ZNF362: variants seen among roughly 807,000 people sequenced by gnomAD.
ZNF362 encodes the protein zinc finger protein 362.
ZNF362 carries 11 observed loss-of-function variants against 42.9 expected under a neutral mutation model. The observed-to-expected ratio is 0.26, with a 90% CI of 0.16 to 0.42. The LOEUF is 0.42. Among genes scored for constraint, ZNF362 ranks in the 20% least tolerant of loss-of-function variants. ZNF362 has a pLI of 1.00. For synonymous variants in ZNF362, 255 were observed against 257.3 expected (o/e 0.99, Z 0.09); for missense variants, 362 against 576.2 (o/e 0.63, Z 3.81).
At chr1:33,184,904 C>T in the ZNF362 span, among the ~76,000 whole-genome samples, 5 of 152,092 alleles carry the variant, frequency 3.3e-5, no homozygotes, top group Admixed American at 6.5e-5. Context: ...TCTCAGCCTC[C>T]CTAGTAGCTG....
At chr1:33,208,898 A>G in the ZNF362 span, among the ~76,000 whole-genome samples, 10 of 152,102 alleles carry the variant, frequency 6.6e-5, no homozygotes, top group Admixed American at 3.9e-4. Context: ...TTTTTTCCTA[A>G]TTGAATATCC....
the ZNF362 span, among the ~76,000 whole-genome samples, chr1:33,167,607 C>T: frequency 5.3e-5 from 8 of 152,272 alleles, no homozygotes; most frequent in East Asian, 1.9e-4. This position sits in a 1 kb window ranked among gnomAD's most constrained non-coding sequence, Gnocchi z 4.2. Context: ...GACTCAATGA[C>T]GCTTGCTGCG....
the ZNF362 span, among the ~76,000 whole-genome samples, chr1:33,221,249 G>A: frequency 6.6e-6 from 1 of 152,228 alleles, no homozygotes; most frequent in Non-Finnish European, 1.5e-5. Flanking sequence ...CGCAGGCAGA[G>A]GAGTGAGGTA....
At chr1:33,244,315 A>T in the ZNF362 span, among the ~76,000 whole-genome samples, 5 of 152,200 alleles carry the variant, frequency 3.3e-5, no homozygotes, top group African/African-American at 9.7e-5. The surrounding 1 kb of genome is among the most constrained non-coding windows in gnomAD (Gnocchi z 4.0). Flanking sequence ...TAAAGGCCAG[A>T]CCAGGATCCC....
chr1:33,212,364 A>G, the ZNF362 span, among the ~76,000 whole-genome samples: 12 of 152,322 alleles, frequency 7.9e-5, no homozygotes, highest in African/African-American at 2.4e-4. Flanking sequence ...TTTGGAAAAC[A>G]GTTTGGCAGT....
At chr1:33,191,884 G>A in the ZNF362 span, among the ~76,000 whole-genome samples, 1 of 152,234 alleles carries the variant, frequency 6.6e-6, no homozygotes. Flanking sequence ...GAAGACGCAA[G>A]AGAATGTAGA....
chr1:33,213,881 A>AC, the ZNF362 span, among the ~76,000 whole-genome samples: 84 of 150,286 alleles, frequency 5.6e-4, 1 homozygote, highest in South Asian at 5.9e-3. Flanking sequence ...ACAAAACAAA[A>AC]AAAACAAAAC....
chr1:33,251,551 A>G (rs1645762045), upstream of ZNF362, among the ~76,000 whole-genome samples: 1 of 152,060 alleles, frequency 6.6e-6, no homozygotes, highest in Non-Finnish European at 1.5e-5. Flanking sequence ...GCCATATCAC[A>G]TCTCTGCTTA....
chr1:33,144,132 CTTCTTTTTTTT>C, the ZNF362 span, among the ~76,000 whole-genome samples: 1 of 36,926 alleles, frequency 2.7e-5, no homozygotes, highest in African/African-American at 7.6e-5. Context: ...TTTAATGTTA[CTTCTTTTTTTT>C]TTTTTTTTTT....
At chr1:33,197,110 T>C in the ZNF362 span, among the ~76,000 whole-genome samples, 1 of 152,212 alleles carries the variant, frequency 6.6e-6, no homozygotes, top group East Asian at 1.9e-4. Context: ...CTGCTCCTCC[T>C]GCTCTTGGAC....
the ZNF362 span, among the ~76,000 whole-genome samples, chr1:33,182,683 G>C: frequency 6.6e-6 from 1 of 151,874 alleles, no homozygotes; most frequent in Non-Finnish European, 1.5e-5. Flanking sequence ...AGTAATAGGA[G>C]AACTTGTCTT....
Position 33,294,873 on chromosome 1 carries a change from G to C in ZNF362, c.909-64G>C, listed in dbSNP as rs899716727. The C allele has an allele frequency of 6.3e-7, 1 of 1,581,518 alleles. No homozygotes were observed. Among genetic ancestry groups the C allele is most frequent in the Non-Finnish European group, 8.7e-7 (1 of 1,151,480 alleles). ...GGCTTAGGGGCCAGAGTAAGGACTT[G>C]GGAACTGGAGCGGTCTTGGGGTGTG... On this transcript the variant is annotated intron_variant, in intron 6 of 8. Transcript: ENST00000539719. The surrounding 1 kb of genome is among the most constrained non-coding windows in gnomAD (Gnocchi z 4.2).
rs1645864302 is a variant in ZNF362 at position 33,266,265 on chromosome 1, C to T, written c.-88-4222C>T. Among the ~76,000 whole-genome samples the T allele has an allele frequency of 6.6e-6, 1 of 152,222 alleles. No homozygotes were observed. Among genetic ancestry groups the T allele is most frequent in the African/African-American group, 2.4e-5 (1 of 41,456 alleles). On this transcript the variant is annotated intron_variant, in intron 1 of 8. Transcript: ENST00000539719. The surrounding 1 kb of genome is among the most constrained non-coding windows in gnomAD (Gnocchi z 4.3). ...TGGCTCTCCTGGCAAACTCGTCTGTCTTCACGGCTCACATGGAAAGACCCC... is the reference window on the plus strand; with the variant it reads ...TGGCTCTCCTGGCAAACTCGTCTGTTTTCACGGCTCACATGGAAAGACCCC...
the ZNF362 span, among the ~76,000 whole-genome samples, chr1:33,213,587 C>CTGTAATCCA: frequency 3.3e-5 from 5 of 152,054 alleles, no homozygotes; most frequent in Non-Finnish European, 7.4e-5. Flanking sequence ...TGGCTCACGC[C>CTGTAATCCA]TGTAATCCAA....
the ZNF362 span, among the ~76,000 whole-genome samples, chr1:33,225,358 C>T: frequency 6.6e-6 from 1 of 152,214 alleles, no homozygotes; most frequent in Non-Finnish European, 1.5e-5. Context: ...ATATATTTTA[C>T]TTACTTATAC....
chr1:33,193,815 G>A, the ZNF362 span, among the ~76,000 whole-genome samples: 1 of 152,314 alleles, frequency 6.6e-6, no homozygotes, highest in African/African-American at 2.4e-5. Context: ...AGGGACTGCC[G>A]AAGAAGAGCA....
chr1:33,181,582 T>C, the ZNF362 span: 5 of 1,350,184 alleles, frequency 3.7e-6, no homozygotes, highest in African/African-American at 7.7e-5. This position sits in a 1 kb window ranked among gnomAD's most constrained non-coding sequence, Gnocchi z 6.5. Context: ...GGGGGTGCTG[T>C]CCGGAAGGAG....
At chr1:33,183,677 G>C in the ZNF362 span, among the ~76,000 whole-genome samples, 2 of 152,208 alleles carry the variant, frequency 1.3e-5, no homozygotes, top group African/African-American at 4.8e-5. Context: ...ATGGCAGAGA[G>C]GGGTTTTCAG....
At chr1:33,231,539 G>T in the ZNF362 span, among the ~76,000 whole-genome samples, 3 of 152,088 alleles carry the variant, frequency 2.0e-5, no homozygotes, top group African/African-American at 7.2e-5. Flanking sequence ...CTCCCTGCTG[G>T]GGTCAAGTCC....
Sources: gnomAD v4.1 joint callset for allele counts (sites outside exome capture counted in the v4.1 genomes callset) on GRCh38, gnomAD v4.1.1 for gene constraint, Gnocchi (gnomAD v3.1) non-coding constraint, MANE v1.5 for transcripts, NCBI Gene and HGNC (gene_info 2026-07-23, HGNC 2026-07-21) for gene names.